Variants in RHBDF2 observed in about 807,000 individuals in gnomAD.
RHBDF2 encodes rhomboid 5 homolog 2, also known as inactive rhomboid protein 2.
A neutral mutation model predicts 95.2 loss-of-function variants in RHBDF2; 38 were observed. The ratio of observed to expected loss-of-function variants is 0.40; its 90% CI spans 0.31 to 0.52. The LOEUF (loss-of-function observed/expected upper bound fraction) is 0.52. Among genes scored for constraint, RHBDF2 ranks in the 20% least tolerant of loss-of-function variants. RHBDF2 has a pLI of 0.56. For missense variants in RHBDF2, 863 were observed against 1,137.7 expected, an observed-to-expected ratio of 0.76 and a Z score of 3.47; for synonymous variants, 442 against 462.0, an observed-to-expected ratio of 0.96 and a Z score of 0.55.
In RHBDF2 at chr17:76,471,053, G is replaced by A. The variant is rs111924263; in HGVS notation, c.*580C>T. The A allele has an allele frequency of 0.027, 4,079 of 153,876 alleles. 89 individuals carry two copies. Among genetic ancestry groups the A allele is most frequent in the Admixed American group, 0.055 (850 of 15,536 alleles). 9.5% of individuals were successfully genotyped at this position (153,876 alleles called of 1,614,324 possible). A position where few individuals can be genotyped will look rare whatever the true frequency, so the allele number is the denominator to read the frequency against. On this transcript the variant is annotated 3_prime_UTR_variant, in exon 19 of 19. Coordinates refer to ENST00000675367, the MANE Select transcript of RHBDF2 (RefSeq NM_001005498.4). The stretch of plus-strand genomic sequence containing the variant: ...CCCTGGGGTGGCTCCGCCCAGTGTC[G>A]TTCTACCTGAGGTCTACTTGTGTCT...
At chr17:76,498,211 G>T (rs531018370) in intron 1 of RHBDF2, among the ~76,000 whole-genome samples, 1 of 152,164 alleles carries the variant, frequency 6.6e-6, no homozygotes. Flanking sequence ...CACCGCCGAG[G>T]TCAGCCTGTA....
At chr17:76,495,197 C>T (rs539362412) in intron 1 of RHBDF2, among the ~76,000 whole-genome samples, 3 of 152,166 alleles carry the variant, frequency 2.0e-5, no homozygotes, top group Non-Finnish European at 4.4e-5. Context: ...ACAAGCCCAG[C>T]GGTTGGGGCA....
intron 9 of RHBDF2, 111 bp downstream of exon 9, chr17:76,476,719 C>T: frequency 1.4e-6 from 2 of 1,430,512 alleles, no homozygotes; most frequent in South Asian, 2.9e-5. Flanking sequence ...TCCTGATCCG[C>T]AGAAGATGCT....
rs147599098 is a variant in RHBDF2 at position 76,474,462 on chromosome 17, G to C, written c.1375C>G (p.Leu459Val). The change falls in exon 12 of 19, where the codon CTG (leucine) becomes GTG (valine). Residue 459 changes from leucine (L) to valine (V), a missense_variant. By Grantham distance (32) the Leu-to-Val change is conservative. Transcript: ENST00000675367. ...RKDGQIEQLV[L>V]RERDLERDSG... ...TCCCGCTCCAGGTCTCGCTCGCGCA[G>C]CACCAGCTGCTCGATCTGCCCGTCC... is the stretch of plus-strand genomic sequence containing the variant. The C allele has an allele frequency of 8.1e-6, 13 of 1,614,036 alleles. No individual in the cohort carries two copies. The highest frequency in any genetic ancestry group is 1.0e-5 in the Non-Finnish European group (12 of 1,180,024).
chr17:76,483,530 C>G (rs1305668212), intron 2 of RHBDF2, among the ~76,000 whole-genome samples: 6 of 152,196 alleles, frequency 3.9e-5, no homozygotes, highest in Admixed American at 6.5e-5. Flanking sequence ...GGTGATCCAC[C>G]TGCCTCGGCC....
At chr17:76,491,441 G>T (rs568466306) in intron 1 of RHBDF2, among the ~76,000 whole-genome samples, 2 of 152,004 alleles carry the variant, frequency 1.3e-5, no homozygotes, top group Admixed American at 1.3e-4. Context: ...TTGGGGGGGG[G>T]TCCCGAAGAG....
At chr17:76,491,856 G>C (rs2074310083) in intron 1 of RHBDF2, among the ~76,000 whole-genome samples, 1 of 152,188 alleles carries the variant, frequency 6.6e-6, no homozygotes, top group Non-Finnish European at 1.5e-5. Context: ...GCAGGAACCA[G>C]ACAGAAAAAA....
In RHBDF2 at chr17:76,481,405, G is replaced by T; in HGVS notation, c.120C>A (p.Ala40=). The part of the protein sequence containing the change: ...TIPPPEKETQ[A]PGEQDSMLPE... Reference sequence around the variant, plus strand: ...GCAGCATGCTGTCCTGCTCGCCAGGGGCCTGGGTCTCTTTCTCGGGTGGCG... The same window carrying T: ...GCAGCATGCTGTCCTGCTCGCCAGGTGCCTGGGTCTCTTTCTCGGGTGGCG... Residue 40 remains alanine, a synonymous_variant, in exon 3 of 19, where the codon GCC becomes GCA. Transcript: ENST00000675367. The T allele has an allele frequency of 6.2e-7, 1 of 1,612,702 alleles. No individual in the cohort carries two copies. The highest frequency in any genetic ancestry group is 1.1e-5 in the South Asian group (1 of 91,066).
intron 1 of RHBDF2, among the ~76,000 whole-genome samples, chr17:76,488,820 C>T (rs535453465): frequency 2.6e-5 from 4 of 151,890 alleles, no homozygotes; most frequent in Non-Finnish European, 5.9e-5. Context: ...TGGTGGCGGG[C>T]GCCTGTAATC....
chr17:76,481,673 G>A lies in RHBDF2; in HGVS notation c.-21-128C>T, dbSNP rs868475336. On this transcript the variant is annotated intron_variant, in intron 2 of 18. Coordinates refer to ENST00000675367, the MANE Select transcript of RHBDF2 (RefSeq NM_001005498.4). ...AAAGTTGGTTCAAACATCTCTGGGC[G>A]GCTGGGCGCGGTGGCTCACGCCTGT... The A allele has an allele frequency of 1.2e-4, 101 of 823,268 alleles. 1 individual carries two copies. The highest frequency in any genetic ancestry group is 6.8e-4 in the South Asian group (37 of 54,406). The allele number at this position is 823,268 out of a possible 1,614,324, so 51.0% of individuals were successfully genotyped here.
At chr17:76,498,801 T>A (rs1352832510) in intron 1 of RHBDF2, among the ~76,000 whole-genome samples, 2 of 148,592 alleles carry the variant, frequency 1.3e-5, no homozygotes, top group African/African-American at 5.1e-5. Context: ...TGTGTGTGTG[T>A]GTGTGTGTGT....
At chr17:76,491,731 G>A (rs945574468) in intron 1 of RHBDF2, among the ~76,000 whole-genome samples, 7 of 152,176 alleles carry the variant, frequency 4.6e-5, no homozygotes, top group South Asian at 2.1e-4. Context: ...CCTCCAACTC[G>A]TGCAGAAGTT....
intron 1 of RHBDF2, among the ~76,000 whole-genome samples, chr17:76,497,194 C>T (rs372469528): frequency 6.6e-6 from 1 of 152,078 alleles, no homozygotes; most frequent in African/African-American, 2.4e-5. Flanking sequence ...GGCGGCCACA[C>T]GGGGGAGGCA....
chr17:76,483,223 ATC>A (rs372251136), intron 2 of RHBDF2, among the ~76,000 whole-genome samples: 6 of 152,234 alleles, frequency 3.9e-5, no homozygotes, highest in African/African-American at 1.4e-4. Flanking sequence ...CCCACACTCT[ATC>A]ATTTTACCTG....
At position 76,479,068 on chromosome 17, in the gene RHBDF2, C is replaced by T. The variant is rs772381248; in HGVS notation, c.468+14G>A. The stretch of plus-strand genomic sequence containing the variant: ...AGGGTCCCCACCCCTGCCTCCTTTC[C>T]CCATGGATCCCACCTTGGGCATCTT... On this transcript the variant is annotated intron_variant, in intron 5 of 18. Coordinates refer to ENST00000675367, the MANE Select transcript of RHBDF2 (RefSeq NM_001005498.4). The T allele has an allele frequency of 5.0e-6, 8 of 1,613,286 alleles. No individual in the cohort carries two copies. The highest frequency in any genetic ancestry group is 4.0e-5 in the African/African-American group (3 of 74,928).
chr17:76,472,983 G>A, intron 17 of RHBDF2, 22 bp downstream of exon 17: 1 of 1,609,962 alleles, frequency 6.2e-7, no homozygotes, highest in Non-Finnish European at 8.5e-7. Context: ...GTCGGGTTCG[G>A]GGGCAGTGAG....
chr17:76,479,715 G>A lies in RHBDF2; in HGVS notation c.272+18C>T, dbSNP rs758636372. The A allele has an allele frequency of 1.1e-5, 18 of 1,589,706 alleles. No homozygotes were observed. In the Admixed American group the frequency reaches 2.9e-4, roughly 25 times the overall value. On this transcript the variant is annotated intron_variant, in intron 4 of 18. Transcript: ENST00000675367. ...TTGCTGGGTGGGGGGTGCTGGGCTT[G>A]GGTGTAGGGGGGCTCACTTGCGGAT...
chr17:76,475,242 TC>T, intron 9 of RHBDF2, 101 bp from the exon 10 acceptor site: 1 of 778,576 alleles, frequency 1.3e-6, no homozygotes, highest in South Asian at 1.6e-5. Flanking sequence ...TCGCCTGGGC[TC>T]CCTGTTCTGC....
intron 1 of RHBDF2, among the ~76,000 whole-genome samples, chr17:76,489,249 T>C (rs150542321): frequency 1.8e-4 from 28 of 152,326 alleles, no homozygotes; most frequent in African/African-American, 6.3e-4. Context: ...GTTGCTTTGA[T>C]TGGTAATTTA....
Sources: gnomAD v4.1 joint callset for allele counts (sites outside exome capture counted in the v4.1 genomes callset) on GRCh38, gnomAD v4.1.1 for gene constraint, MANE v1.5 for transcripts, NCBI Gene and HGNC (gene_info 2026-07-23, HGNC 2026-07-21) for gene names.